SLC9A1: variants seen among roughly 807,000 people sequenced by gnomAD.
The protein encoded by SLC9A1 is sodium/hydrogen exchanger 1.
SLC9A1 carries 22 observed loss-of-function variants against 67.9 expected under a neutral mutation model. That is an observed-to-expected ratio of 0.32 (90% CI 0.23 to 0.46). The LOEUF (loss-of-function observed/expected upper bound fraction) is 0.46, where lower values mean the gene tolerates loss of function less well. Ranked by LOEUF, SLC9A1 falls within the 20% of genes least tolerant of loss-of-function variation. The pLI is 1.00. For missense variants in SLC9A1, 686 were observed against 1,094.8 expected, an observed-to-expected ratio of 0.63 and a Z score of 5.27; for synonymous variants, 421 against 471.8, an observed-to-expected ratio of 0.89 and a Z score of 1.40.
rs747570122 is a variant in SLC9A1, at chr1:27,102,053, T to C, written c.1898A>G (p.Lys633Arg). ...LSKDKEEEIR[K>R]ILRNNLQKTR... ...CTTCTGCAAGTTGTTCCTCAGGATT[T>C]TGCGGATCTCCTCCTCCTTGTCCTT... Residue 633 changes from lysine to arginine, a missense_variant, in exon 9 of 12, where the codon AAA becomes AGA. By Grantham distance (26) the Lys-to-Arg change is conservative (BLOSUM62 2). This residue lies in a region of SLC9A1 where 226 missense variants were observed against 282.4 expected (regional missense o/e 0.80). Coordinates refer to ENST00000263980, the MANE Select transcript of SLC9A1 (RefSeq NM_003047.5). 9.9e-6 allele frequency: 16 copies of C among 1,613,918 alleles called. No individual in the cohort carries two copies. The highest frequency in any genetic ancestry group is 1.7e-5 in the Admixed American group (1 of 60,006).
intron 1 of SLC9A1, among the ~76,000 whole-genome samples, chr1:27,131,938 G>GAAAAAAAAAAAAAAAAAAAA (rs1351315440): frequency 2.9e-5 from 1 of 35,030 alleles, no homozygotes; most frequent in African/African-American, 1.1e-4. Context: ...AGAAGAAGAA[G>GAAAAAAAAAAAAAAAAAAAA]AAAAAAAAAA....
rs113415075 is a variant in SLC9A1 at position 27,120,797 on chromosome 1, T to C, written c.353-6511A>G. 5.8e-4 allele frequency among the ~76,000 whole-genome samples: 88 copies of C among 152,244 alleles called. 3 individuals carry two copies. The highest frequency in any genetic ancestry group is 2.0e-3 in the African/African-American group (82 of 41,558). Reference sequence around the variant, plus strand: ...ACAAACACTGGACACTTGGAGAATCTGATGCAAGGCTCTGTGCAGGGGGCT... The same window carrying C: ...ACAAACACTGGACACTTGGAGAATCCGATGCAAGGCTCTGTGCAGGGGGCT... On this transcript the variant is annotated intron_variant, in intron 1 of 11. Transcript: ENST00000263980.
rs550741355 is a variant in SLC9A1 at position 27,128,433 on chromosome 1, A to G, written c.353-14147T>C. 2.0e-5 allele frequency among the ~76,000 whole-genome samples: 3 copies of G among 152,166 alleles called. No individual in the cohort carries two copies. In the South Asian group the frequency reaches 6.2e-4, roughly 32 times the overall value. ...CAGCGGGGGAGGCCGAGGCGAGAGG[A>G]TCACTTGAGCCCAGGAGTTTGAGAG... is the stretch of plus-strand genomic sequence containing the variant. On this transcript the variant is annotated intron_variant, in intron 1 of 11. Coordinates refer to ENST00000263980, the MANE Select transcript of SLC9A1 (RefSeq NM_003047.5).
chr1:27,117,609 G>A (rs879555452), intron 1 of SLC9A1, among the ~76,000 whole-genome samples: 1 of 152,184 alleles, frequency 6.6e-6, no homozygotes, highest in Non-Finnish European at 1.5e-5. Flanking sequence ...ACAGCAACAT[G>A]AAGACGGCTC....
chr1:27,116,611 A>C (rs148288993), intron 1 of SLC9A1, among the ~76,000 whole-genome samples: 394 of 152,352 alleles, frequency 2.6e-3, no homozygotes, highest in Non-Finnish European at 4.4e-3. Context: ...AAATAATTCC[A>C]AAATCACCCC....
chr1:27,112,246 TGAG>T (rs2083233232), intron 2 of SLC9A1, among the ~76,000 whole-genome samples: 1 of 152,058 alleles, frequency 6.6e-6, no homozygotes. Context: ...CCCAGCCCCA[TGAG>T]GAGGCGTGGG....
intron 5 of SLC9A1, 162 bp downstream of exon 5, chr1:27,105,723 T>C (rs1309722777): frequency 1.4e-6 from 1 of 724,278 alleles, no homozygotes; most frequent in South Asian, 1.5e-5. Flanking sequence ...TTGAAGAAAC[T>C]GAGGCCCAGA....
chr1:27,151,741 T>A (rs2083529808), intron 1 of SLC9A1, among the ~76,000 whole-genome samples: 1 of 152,148 alleles, frequency 6.6e-6, no homozygotes, highest in African/African-American at 2.4e-5. Context: ...AATTCCACAC[T>A]GCAAAGGTGA....
In SLC9A1 at chr1:27,109,679, G is replaced by A. The variant is rs566057332; in HGVS notation, c.912C>T (p.Gly304=). The change falls in exon 3 of 12, where the codon GGC becomes GGT. Residue 304 remains glycine, a synonymous_variant. Coordinates refer to ENST00000263980, the MANE Select transcript of SLC9A1 (RefSeq NM_003047.5). The surrounding 1 kb of genome is among the most constrained non-coding windows in gnomAD (Gnocchi z 5.5). ...GFLSFFVVAL[G]GVLVGVVYGV... ...CGTAGACCACGCCCACAAGCACCCC[G>A]CCCAGGGCCACCACGAAGAAGCTCA... The A allele has an allele frequency of 6.6e-5, 107 of 1,613,956 alleles. No homozygotes were observed. Among genetic ancestry groups the A allele is most frequent in the Non-Finnish European group, 7.5e-5 (89 of 1,179,994 alleles).
intron 1 of SLC9A1, among the ~76,000 whole-genome samples, chr1:27,117,552 C>T (rs1418493764): frequency 6.6e-6 from 1 of 152,158 alleles, no homozygotes; most frequent in Non-Finnish European, 1.5e-5. Flanking sequence ...AAGAGTTGGC[C>T]ACAGCTCCTG....
At position 27,122,937 on chromosome 1, in the gene SLC9A1, A is replaced by G. The variant is rs574473340; in HGVS notation, c.353-8651T>C. On this transcript the variant is annotated intron_variant, in intron 1 of 11. Transcript: ENST00000263980. ...GAGGCAGAGCTCCAACAGGCCCAAC[A>G]GTGCCTGGCAAGGGAGAGGTGCCAG... is the stretch of plus-strand genomic sequence containing the variant. Among the ~76,000 whole-genome samples, 3 of 147,832 alleles carry G rather than the reference A, an allele frequency of 2.0e-5. No homozygotes were observed. In the South Asian group the frequency reaches 6.5e-4, roughly 32 times the overall value.
intron 1 of SLC9A1, among the ~76,000 whole-genome samples, chr1:27,145,751 A>C (rs978558704): frequency 6.6e-6 from 1 of 152,160 alleles, no homozygotes; most frequent in Non-Finnish European, 1.5e-5. Flanking sequence ...TTGCTGGGGT[A>C]ATTTGGGGGG....
At chr1:27,105,281 G>C (rs1243211095) in intron 5 of SLC9A1, among the ~76,000 whole-genome samples, 1 of 152,122 alleles carries the variant, frequency 6.6e-6, no homozygotes, top group East Asian at 1.9e-4. Context: ...TGGGCCTGTT[G>C]ACTGTACCCA....
At chr1:27,153,933 A>C (rs371549469) in intron 1 of SLC9A1, 50 bp downstream of exon 1, 11 of 1,275,848 alleles carry the variant, frequency 8.6e-6, no homozygotes, top group Non-Finnish European at 1.1e-5. Flanking sequence ...ATGAGGCAAG[A>C]AGCTCACCAG....
rs755409353 is a variant in SLC9A1, at chr1:27,109,516, C to T, written c.1064+11G>A. ...CCCGCCAAGCCCACTGCCTGCTGCACGCAGACTCACGCCATGATGCCTGAC... is the reference window on the plus strand; with the variant it reads ...CCCGCCAAGCCCACTGCCTGCTGCATGCAGACTCACGCCATGATGCCTGAC... On this transcript the variant is annotated intron_variant, in intron 3 of 11. Coordinates refer to ENST00000263980, the MANE Select transcript of SLC9A1 (RefSeq NM_003047.5). This position sits in a 1 kb window ranked among gnomAD's most constrained non-coding sequence, Gnocchi z 5.5. 1.2e-5 allele frequency: 20 copies of T among 1,611,680 alleles called. No homozygotes were observed. Among genetic ancestry groups the T allele is most frequent in the South Asian group, 1.1e-4 (10 of 91,040 alleles).
intron 1 of SLC9A1, among the ~76,000 whole-genome samples, chr1:27,132,695 A>G (rs541277303): frequency 7.9e-5 from 12 of 152,272 alleles, no homozygotes; most frequent in Non-Finnish European, 1.5e-4. Flanking sequence ...ATCACTGTTC[A>G]CTGCCACTGG....
intron 1 of SLC9A1, among the ~76,000 whole-genome samples, chr1:27,120,090 C>T (rs1282409210): frequency 6.6e-6 from 1 of 151,898 alleles, no homozygotes; most frequent in Non-Finnish European, 1.5e-5. Context: ...AAGTATTATT[C>T]ATTGAGTTTC....
chr1:27,104,379 G>T (rs1391053762), intron 5 of SLC9A1, among the ~76,000 whole-genome samples: 1 of 151,982 alleles, frequency 6.6e-6, no homozygotes, highest in Admixed American at 6.6e-5. Context: ...ACCGCGCCCA[G>T]CCTCTCTCCT....
In SLC9A1 at chr1:27,114,109, AG is replaced by A; in HGVS notation, c.529del (p.Leu177CysfsTer14). On this transcript the variant is annotated frameshift_variant, in exon 2 of 12. Transcript: ENST00000263980. LOFTEE classifies it high-confidence loss of function. This position sits in a 1 kb window ranked among gnomAD's most constrained non-coding sequence, Gnocchi z 5.4. ...GTTTTCTGTGAACTGCCGCAGTGGC[AG>A]GAAGTAGCCCGCATCCAGGATGATG... is the stretch of plus-strand genomic sequence containing the variant. ...PPIILDAGYF[L>X]PLRQFTENLG... 1 of 1,614,192 alleles carries A rather than the reference AG, an allele frequency of 6.2e-7. No individual in the cohort carries two copies. The highest frequency in any genetic ancestry group is 8.5e-7 in the Non-Finnish European group (1 of 1,180,038).
Sources: gnomAD v4.1 joint callset for allele counts (sites outside exome capture counted in the v4.1 genomes callset) on GRCh38, gnomAD v4.1.1 for gene constraint, gnomAD v4.1.1 regional missense constraint, Gnocchi (gnomAD v3.1) non-coding constraint, MANE v1.5 for transcripts, NCBI Gene and HGNC (gene_info 2026-07-23, HGNC 2026-07-21) for gene names.